The following RSF1 variants were observed in gnomAD, a reference collection of about 807,000 sequenced individuals.
RSF1 encodes the protein remodeling and spacing factor 1.
Under a neutral mutation model 145.2 loss-of-function variants are expected in RSF1, and 13 were observed. The observed-to-expected ratio is 0.09, with a 90% CI of 0.06 to 0.14. The LOEUF is 0.14. Among genes scored for constraint, RSF1 ranks in the 10% least tolerant of loss-of-function variants. RSF1 has a pLI of 1.00. For missense variants in RSF1, 1,517 were observed against 1,718.2 expected (o/e 0.88, Z 2.07); for synonymous variants, 577 against 592.6 (o/e 0.97, Z 0.38).
rs180978180 is a variant in RSF1, at chr11:77,701,976, A to C, written c.1253T>G (p.Ile418Arg). ...TPTKEFLKDE[I>R]KQEEETCKRI... ...TTTACAAGTCTCTTCCTCTTGTTTTATTTCATCTTTCAAAAACTCTTTTGT... is the reference window on the plus strand; with the variant it reads ...TTTACAAGTCTCTTCCTCTTGTTTTCTTTCATCTTTCAAAAACTCTTTTGT... The change falls in exon 6 of 16, where the codon ATA (isoleucine) becomes AGA (arginine). Residue 418 changes from isoleucine (I) to arginine (R), a missense_variant. This residue lies in a region of RSF1 where 579 missense variants were observed against 553.5 expected (regional missense o/e 1.05). Coordinates refer to ENST00000308488, the MANE Select transcript of RSF1 (RefSeq NM_016578.4). 1 of 1,613,858 alleles carries C rather than the reference A, an allele frequency of 6.2e-7. No homozygotes were observed. Among genetic ancestry groups the C allele is most frequent in the East Asian group, 2.2e-5 (1 of 44,848 alleles).
intron 7 of RSF1, among the ~76,000 whole-genome samples, chr11:77,695,975 C>T (rs1223705237): frequency 6.6e-6 from 1 of 152,088 alleles, no homozygotes; most frequent in East Asian, 1.9e-4. Flanking sequence ...GCAATCCTAA[C>T]CTGTACCATG....
chr11:77,831,393 A>C, the RSF1 span, among the ~76,000 whole-genome samples: 2 of 152,212 alleles, frequency 1.3e-5, no homozygotes, highest in Non-Finnish European at 2.9e-5. Context: ...TTTTACATAA[A>C]TGTTCATAAC....
At chr11:77,830,505 A>G in the RSF1 span, among the ~76,000 whole-genome samples, 2 of 121,002 alleles carry the variant, frequency 1.7e-5, no homozygotes, top group East Asian at 5.9e-4. Context: ...ACTTCTTGCT[A>G]TCTCTTTTGC....
intron 1 of RSF1, among the ~76,000 whole-genome samples, chr11:77,795,195 A>G (rs767043076): frequency 2.0e-5 from 3 of 152,240 alleles, no homozygotes; most frequent in Non-Finnish European, 4.4e-5. Flanking sequence ...AAGAAACTGA[A>G]GAGGACAAAA....
At chr11:77,821,576 G>GCT (rs1168015882), upstream of RSF1, among the ~76,000 whole-genome samples, 1 of 152,122 alleles carries the variant, frequency 6.6e-6, no homozygotes, top group Non-Finnish European at 1.5e-5. Context: ...AGGAGACCAG[G>GCT]CTCTGCTAGG....
the RSF1 span, among the ~76,000 whole-genome samples, chr11:77,852,224 C>CAAAAAAAAAAAAAAAAAAAAAAAAAAAA: frequency 9.0e-5 from 3 of 33,496 alleles, no homozygotes; most frequent in East Asian, 9.5e-4. Context: ...GACACTGTCT[C>CAAAAAAAAAAAAAAAAAAAAAAAAAAAA]AAAAAAAAAA....
chr11:77,667,670 T>G (rs1439017954), intron 15 of RSF1, among the ~76,000 whole-genome samples, 179 bp from the exon 16 acceptor site: 1 of 152,178 alleles, frequency 6.6e-6, no homozygotes, highest in Non-Finnish European at 1.5e-5. Context: ...CCCAATATGA[T>G]TCATGGTGTA....
chr11:77,758,887 T>G (rs746957919), intron 2 of RSF1, among the ~76,000 whole-genome samples: 4 of 152,238 alleles, frequency 2.6e-5, no homozygotes, highest in Non-Finnish European at 5.9e-5. Context: ...ACTTCTTCCA[T>G]TCTGTAGGCT....
chr11:77,745,921 T>G (rs556812879), intron 3 of RSF1, among the ~76,000 whole-genome samples: 17 of 152,124 alleles, frequency 1.1e-4, no homozygotes, highest in African/African-American at 4.1e-4. Context: ...TAACACACCC[T>G]GAAAAGTTAT....
intron 4 of RSF1, among the ~76,000 whole-genome samples, chr11:77,730,598 G>A (rs765688991): frequency 1.3e-5 from 2 of 152,148 alleles, no homozygotes; most frequent in African/African-American, 2.4e-5. Context: ...AGATGATACA[G>A]TTTGGCTGTG....
intron 9 of RSF1, among the ~76,000 whole-genome samples, chr11:77,689,118 G>A (rs950433349): frequency 6.6e-6 from 1 of 152,124 alleles, no homozygotes; most frequent in Non-Finnish European, 1.5e-5. Context: ...TGTATAAACG[G>A]GCATCAAGTC....
intron 11 of RSF1, among the ~76,000 whole-genome samples, chr11:77,683,342 A>T (rs530128419): frequency 4.6e-4 from 70 of 152,164 alleles, no homozygotes; most frequent in African/African-American, 1.6e-3. Flanking sequence ...AAATCTGATA[A>T]AGTATGTTAA....
chr11:77,674,573 C>T (rs1042330567), intron 14 of RSF1, among the ~76,000 whole-genome samples: 1 of 152,188 alleles, frequency 6.6e-6, no homozygotes, highest in Non-Finnish European at 1.5e-5. Context: ...CACAATCCTA[C>T]TAGGCATCTG....
the RSF1 span, chr11:77,855,439 C>T: frequency 1.2e-5 from 2 of 173,470 alleles, no homozygotes; most frequent in South Asian, 1.1e-4. Flanking sequence ...CCTGCCTCAG[C>T]CTCCCAAGTA....
At chr11:77,697,859 C>T (rs533970922) in intron 7 of RSF1, among the ~76,000 whole-genome samples, 1 of 152,066 alleles carries the variant, frequency 6.6e-6, no homozygotes, top group Non-Finnish European at 1.5e-5. Context: ...ATTCCAATGC[C>T]ACTCTTTTGC....
intron 1 of RSF1, among the ~76,000 whole-genome samples, chr11:77,795,303 A>G (rs1341166403): frequency 6.6e-6 from 1 of 152,212 alleles, no homozygotes; most frequent in East Asian, 1.9e-4. Context: ...AATTCCTATG[A>G]AAATACTAAG....
rs1209332849 is a variant in RSF1 at position 77,785,827 on chromosome 11, G to A, written c.188-21138C>T. Among the ~76,000 whole-genome samples the A allele has an allele frequency of 6.1e-5, 9 of 147,666 alleles. 1 individual carries two copies. In the East Asian group the frequency reaches 1.4e-3, roughly 23 times the overall value. On this transcript the variant is annotated intron_variant, in intron 1 of 15. Transcript: ENST00000308488. ...TGTAGTCCCAGCTACTCGGGAGGCT[G>A]AGGCAGGAGAATGGCGTGAACCTGG...
chr11:77,667,416 C>T lies in RSF1; in HGVS notation c.3827G>A (p.Arg1276Gln), dbSNP rs887469238. ...TGCTTCTGAATACTCGTCTGTGCTTCGGCCCCGCTTTCGAACTGACCGCTT... is the reference window on the plus strand; with the variant it reads ...TGCTTCTGAATACTCGTCTGTGCTTTGGCCCCGCTTTCGAACTGACCGCTT... The part of the protein sequence containing the change: ...ESKRSVRKRG[R>Q]STDEYSEADE... Residue 1276 changes from arginine to glutamine, a missense_variant, in exon 16 of 16, where the codon CGA becomes CAA. Around this residue, in one of 12 missense-constraint regions of RSF1, gnomAD observed 240 missense variants for 231.8 expected, o/e 1.04. Transcript: ENST00000308488. The T allele has an allele frequency of 1.4e-5, 23 of 1,613,788 alleles. No individual in the cohort carries two copies. Among genetic ancestry groups the T allele is most frequent in the East Asian group, 2.2e-5 (1 of 44,892 alleles).
At chr11:77,862,832 G>A in the RSF1 span, among the ~76,000 whole-genome samples, 1 of 152,108 alleles carries the variant, frequency 6.6e-6, no homozygotes, top group African/African-American at 2.4e-5. Flanking sequence ...AGGATATCAT[G>A]GCCAGGTGGT....
Sources: gnomAD v4.1 joint callset for allele counts (sites outside exome capture counted in the v4.1 genomes callset) on GRCh38, gnomAD v4.1.1 for gene constraint, gnomAD v4.1.1 regional missense constraint, MANE v1.5 for transcripts, NCBI Gene and HGNC (gene_info 2026-07-23, HGNC 2026-07-21) for gene names.